The following SI variants were observed in gnomAD, a reference collection of about 807,000 sequenced individuals.
SI encodes the protein sucrase-isomaltase.
A neutral mutation model predicts 253.3 loss-of-function variants in SI; 235 were observed. The ratio of observed to expected loss-of-function variants is 0.93; its 90% CI spans 0.83 to 1.03. The LOEUF (loss-of-function observed/expected upper bound fraction) is 1.03. Among genes scored for constraint, SI ranks in the 50% least tolerant of loss-of-function variants. The pLI, the probability that SI is intolerant of heterozygous loss-of-function variation, is 0.00. For synonymous variants in SI, 819 were observed against 712.0 expected (o/e 1.15, Z -2.39); for missense variants, 2,442 against 2,211.1 (o/e 1.10, Z -2.09).
chr3:165,077,817 C>G (rs977809027), intron 1 of SI, among the ~76,000 whole-genome samples: 1 of 151,478 alleles, frequency 6.6e-6, no homozygotes, highest in Non-Finnish European at 1.5e-5. Context: ...AACAAACTCT[C>G]CTTTGTCTAG....
In SI at chr3:165,055,288, A is replaced by T. The variant is rs746883962; in HGVS notation, c.1418T>A (p.Val473Glu). Residue 473 changes from valine to glutamate, a missense_variant, in exon 13 of 48, where the codon GTA becomes GAA. Coordinates refer to ENST00000264382, the MANE Select transcript of SI (RefSeq NM_001041.4). ...IIGEVWPGLT[V>E]YPDFTNPNCI... is the part of the protein sequence containing the mutation. ...GTTTGGGTTAGTGAAATCAGGGTAT[A>T]CTGTTAATCCTGGCCATACCTAGAA... The T allele has an allele frequency of 1.3e-6, 2 of 1,599,972 alleles. No homozygotes were observed. The highest frequency in any genetic ancestry group is 2.2e-5 in the South Asian group (2 of 90,810).
At chr3:165,031,286 A>G (rs1031453217) in intron 24 of SI, among the ~76,000 whole-genome samples, 3 of 149,418 alleles carry the variant, frequency 2.0e-5, no homozygotes, top group Non-Finnish European at 4.5e-5. Flanking sequence ...ATGAAAATTC[A>G]TATAAAGATC....
chr3:165,066,294 G>C (rs1714243601), intron 6 of SI, among the ~76,000 whole-genome samples: 3 of 151,846 alleles, frequency 2.0e-5, no homozygotes, highest in Non-Finnish European at 4.4e-5. Context: ...GGTATACTCA[G>C]TGGGGGAGTG....
At position 165,023,712 on chromosome 3, in the gene SI, T is replaced by G. The variant is rs1207367603; in HGVS notation, c.2957A>C (p.Asn986Thr). 1.2e-6 allele frequency: 2 copies of G among 1,610,866 alleles called. No individual in the cohort carries two copies. The highest frequency in any genetic ancestry group is 8.5e-7 in the Non-Finnish European group (1 of 1,177,948). ...FPRQDNSYSV[N>T]SARYSSMGIT... ...ACCCATGGATGAATAGCGAGCTGAG[T>G]TGACTGAATAAGAGTTATCTTGTCT... Residue 986 changes from asparagine (N) to threonine (T), a missense_variant, in exon 26 of 48, where the codon AAC (asparagine) becomes ACC (threonine). Asn to Thr is a moderately conservative substitution (Grantham distance 65). Transcript: ENST00000264382.
In SI at chr3:165,068,802, A is replaced by G; in HGVS notation, c.403T>C (p.Ser135Pro). 6.2e-7 allele frequency: 1 copy of G among 1,612,494 alleles called. No individual in the cohort carries two copies. The highest frequency in any genetic ancestry group is 8.5e-7 in the Non-Finnish European group (1 of 1,179,496). The change falls in exon 5 of 48, where the codon TCA becomes CCA. Residue 135 changes from serine to proline, a missense_variant. By Grantham distance (74) the Ser-to-Pro change is moderately conservative. Coordinates refer to ENST00000264382, the MANE Select transcript of SI (RefSeq NM_001041.4). ...GVEAKLNRIP[S>P]PTLFGNDINS... Reference sequence around the variant, plus strand: ...ATGTCATTTCCAAATAGTGTAGGTGAAGGTATCCTGTTTAATTTGGCTTCA... The same window carrying G: ...ATGTCATTTCCAAATAGTGTAGGTGGAGGTATCCTGTTTAATTTGGCTTCA...
At chr3:165,073,356 C>A (rs917771969) in intron 3 of SI, among the ~76,000 whole-genome samples, 1 of 152,168 alleles carries the variant, frequency 6.6e-6, no homozygotes, top group Non-Finnish European at 1.5e-5. Flanking sequence ...AATATCTGGC[C>A]ACTTTCCTCA....
At chr3:164,980,409 T>G (rs1349258840) in intron 47 of SI, among the ~76,000 whole-genome samples, 1 of 151,938 alleles carries the variant, frequency 6.6e-6, no homozygotes, top group Non-Finnish European at 1.5e-5. Context: ...GACATAATTG[T>G]TACTAGAAAA....
chr3:165,036,202 C>T (rs896488334), intron 22 of SI, among the ~76,000 whole-genome samples, 187 bp downstream of exon 22: 1 of 151,684 alleles, frequency 6.6e-6, no homozygotes, highest in Non-Finnish European at 1.5e-5. Flanking sequence ...ATTTTAGTTA[C>T]ATATAGATAA....
intron 12 of SI, 76 bp downstream of exon 12, chr3:165,058,887 C>CACAT (rs199590463): frequency 8.2e-7 from 1 of 1,224,656 alleles, no homozygotes; most frequent in African/African-American, 1.5e-5. Flanking sequence ...CACACACACA[C>CACAT]GCACATCCAC....
upstream of SI, among the ~76,000 whole-genome samples, chr3:165,083,465 A>T (rs1015495315): frequency 6.6e-6 from 1 of 152,006 alleles, no homozygotes; most frequent in Admixed American, 6.6e-5. Flanking sequence ...TAGAAGGCTC[A>T]TAAGATTCCA....
At chr3:165,071,026 T>C (rs1714539711) in intron 3 of SI, among the ~76,000 whole-genome samples, 1 of 152,088 alleles carries the variant, frequency 6.6e-6, no homozygotes, top group Admixed American at 6.6e-5. Flanking sequence ...TCCCTGTCTG[T>C]CTCTGTGTGT....
chr3:165,015,308 A>G, intron 32 of SI, 75 bp from the exon 33 acceptor site: 3 of 937,458 alleles, frequency 3.2e-6, no homozygotes, highest in Non-Finnish European at 5.2e-6. Flanking sequence ...TATGAAGCAT[A>G]AGTTTTCATT....
Position 164,987,170 on chromosome 3 carries a change from C to A in SI, c.5165G>T (p.Gly1722Val). 1 of 1,613,664 alleles carries A rather than the reference C, an allele frequency of 6.2e-7. No individual in the cohort carries two copies. Residue 1722 changes from glycine to valine, a missense_variant, in exon 45 of 48, where the codon GGT becomes GTT. Physicochemically the swap from Gly to Val is moderately radical, Grantham distance 109. Coordinates refer to ENST00000264382, the MANE Select transcript of SI (RefSeq NM_001041.4). ...CTCTCCATCATCCCAAAACAGAGAA[C>A]CCTGTGCCATCTGATTATCATCTGC... ...VAADDNQMAQGSLFWDDGESI... is the reference protein window; with the variant it reads ...VAADDNQMAQVSLFWDDGESI...
rs558147481 is a variant in SI at position 165,017,912 on chromosome 3, T to C, written c.3521-39A>G. On this transcript the variant is annotated intron_variant, in intron 29 of 47. Coordinates refer to ENST00000264382, the MANE Select transcript of SI (RefSeq NM_001041.4). ...ATAACATCCCATTTTCATCTATGTA[T>C]ACTAGTTTATGAAAAAGTCACATAA... 6.3e-6 allele frequency: 10 copies of C among 1,578,602 alleles called. No individual in the cohort carries two copies. In the Admixed American group the frequency reaches 1.0e-4, roughly 16 times the overall value.
At chr3:164,994,038 T>A (rs1717898360) in intron 41 of SI, among the ~76,000 whole-genome samples, 1 of 151,806 alleles carries the variant, frequency 6.6e-6, no homozygotes, top group African/African-American at 2.4e-5. Flanking sequence ...CATTACTTTT[T>A]AATAACTAAT....
At chr3:165,010,107 T>A (rs1278623663) in intron 34 of SI, among the ~76,000 whole-genome samples, 1 of 152,140 alleles carries the variant, frequency 6.6e-6, no homozygotes, top group East Asian at 1.9e-4. Context: ...TCGGAGGACA[T>A]ACAGAAAATG....
At chr3:165,011,847 T>C (rs1576883981) in intron 34 of SI, among the ~76,000 whole-genome samples, 1 of 151,272 alleles carries the variant, frequency 6.6e-6, no homozygotes, top group East Asian at 1.9e-4. Flanking sequence ...CAAACAGCAT[T>C]GCTGTTTCTC....
chr3:165,079,843 G>C (rs918920691), upstream of SI, among the ~76,000 whole-genome samples: 7 of 151,616 alleles, frequency 4.6e-5, no homozygotes, highest in Admixed American at 2.0e-4. Context: ...AATTAGAATA[G>C]CACCAAAAAA....
intron 36 of SI, among the ~76,000 whole-genome samples, 197 bp from the exon 37 acceptor site, chr3:165,007,151 A>C (rs1040720881): frequency 1.3e-5 from 2 of 152,128 alleles, no homozygotes; most frequent in Non-Finnish European, 2.9e-5. Flanking sequence ...GAATTACATG[A>C]ATTAATAAAA....
Sources: allele counts gnomAD v4.1 joint callset (sites outside exome capture counted in the v4.1 genomes callset), GRCh38; gene constraint gnomAD v4.1.1; transcripts MANE v1.5; gene names NCBI Gene and HGNC (gene_info 2026-07-23, HGNC 2026-07-21).